The following TSPAN9 variants were observed in gnomAD, a reference collection of about 807,000 sequenced individuals.
The protein encoded by TSPAN9 is tetraspanin-9.
Under a neutral mutation model 31.0 loss-of-function variants are expected in TSPAN9, and 16 were observed. That is an observed-to-expected ratio of 0.52 (90% CI 0.35 to 0.78). TSPAN9 has a LOEUF of 0.78. Among genes scored for constraint, TSPAN9 ranks in the 30% least tolerant of loss-of-function variants. The pLI is 0.01. For missense variants in TSPAN9, 272 were observed against 312.5 expected, an observed-to-expected ratio of 0.87 and a Z score of 0.98; for synonymous variants, 145 against 121.6, an observed-to-expected ratio of 1.19 and a Z score of -1.27.
chr12:3,134,136 G>A (rs2098331037), intron 2 of TSPAN9, among the ~76,000 whole-genome samples: 1 of 152,122 alleles, frequency 6.6e-6, no homozygotes, highest in Non-Finnish European at 1.5e-5. Flanking sequence ...GGCCTTCCTC[G>A]TCAGCCTTTC....
At chr12:3,124,169 A>G (rs893976415) in intron 2 of TSPAN9, among the ~76,000 whole-genome samples, 1 of 152,230 alleles carries the variant, frequency 6.6e-6, no homozygotes, top group Non-Finnish European at 1.5e-5. Context: ...AGCATGACTT[A>G]AACTGTCCAT....
At chr12:3,208,836 G>T (rs1053610896) in intron 3 of TSPAN9, among the ~76,000 whole-genome samples, 1 of 152,218 alleles carries the variant, frequency 6.6e-6, no homozygotes, top group African/African-American at 2.4e-5. Flanking sequence ...TTTGAATCTT[G>T]TGTGAAGTGT....
At chr12:3,161,684 T>G (rs2098345300) in intron 2 of TSPAN9, among the ~76,000 whole-genome samples, 1 of 152,190 alleles carries the variant, frequency 6.6e-6, no homozygotes, top group Admixed American at 6.5e-5. Flanking sequence ...TATTGTACAA[T>G]TCTGTGTGTG....
intron 2 of TSPAN9, among the ~76,000 whole-genome samples, chr12:3,104,391 C>T (rs2098313253): frequency 1.3e-5 from 2 of 151,662 alleles, no homozygotes; most frequent in African/African-American, 4.8e-5. Flanking sequence ...CTCACTCTGT[C>T]ACCCAGGCTG....
intron 3 of TSPAN9, among the ~76,000 whole-genome samples, chr12:3,242,902 G>A (rs1371560558): frequency 6.6e-6 from 1 of 152,208 alleles, no homozygotes; most frequent in Non-Finnish European, 1.5e-5. Context: ...CACCTCACAC[G>A]TGTTCCCTGC....
chr12:3,281,938 T>TGCTAAGCTTGA, intron 8 of TSPAN9, 121 bp downstream of exon 8: 1 of 1,104,550 alleles, frequency 9.1e-7, no homozygotes, highest in Non-Finnish European at 1.4e-6. Context: ...TCATCACAGC[T>TGCTAAGCTTGA]ATTCAAGCTT....
At chr12:3,256,621 T>G (rs1180744375) in intron 3 of TSPAN9, among the ~76,000 whole-genome samples, 2 of 152,202 alleles carry the variant, frequency 1.3e-5, no homozygotes, top group Non-Finnish European at 2.9e-5. Context: ...TGGCATTTCT[T>G]GAGCTGGGTG....
chr12:3,105,747 C>G (rs899236951), intron 2 of TSPAN9, among the ~76,000 whole-genome samples: 4 of 135,698 alleles, frequency 2.9e-5, no homozygotes, highest in African/African-American at 1.0e-4. Flanking sequence ...CACACACACA[C>G]TCACACACAC....
chr12:3,285,020 T>G lies in TSPAN9; in HGVS notation c.*1904T>G, dbSNP rs11062604. 15,486 of 152,264 alleles carry G rather than the reference T, an allele frequency of 0.1. 2,568 individuals carry two copies. The highest frequency in any genetic ancestry group is 0.35 in the African/African-American group (14,424 of 41,478). 9.4% of individuals were successfully genotyped at this position (152,264 alleles called of 1,614,324 possible). A position where few individuals can be genotyped will look rare whatever the true frequency, so the allele number is the denominator to read the frequency against. ...GAGAGTAGGGTGGTCTTGTGAGTTG[T>G]GCAGGGTGAAGACCGCTTCCCTGAG... On this transcript the variant is annotated 3_prime_UTR_variant, in exon 9 of 9. Coordinates refer to ENST00000011898, the MANE Select transcript of TSPAN9 (RefSeq NM_006675.5).
chr12:3,191,191 A>G (rs1053107719), intron 2 of TSPAN9, among the ~76,000 whole-genome samples: 7 of 152,112 alleles, frequency 4.6e-5, no homozygotes, highest in African/African-American at 1.7e-4. Context: ...CAAGAAAGGT[A>G]TAGGAGAGGG....
At chr12:3,151,784 A>G (rs1403809138) in intron 2 of TSPAN9, among the ~76,000 whole-genome samples, 2 of 151,798 alleles carry the variant, frequency 1.3e-5, no homozygotes, top group Non-Finnish European at 2.9e-5. Context: ...AAACAAAACA[A>G]CCGTGGTGTG....
chr12:3,263,348 T>C (rs1862484389), intron 3 of TSPAN9, among the ~76,000 whole-genome samples: 1 of 152,150 alleles, frequency 6.6e-6, no homozygotes, highest in South Asian at 2.1e-4. Context: ...GTGAGCCGTG[T>C]TGTTTGGGCT....
Position 3,146,026 on chromosome 12 carries a change from G to A in TSPAN9, c.-17-55151G>A, listed in dbSNP as rs185198114. Among the ~76,000 whole-genome samples the A allele has an allele frequency of 2.5e-3, 380 of 152,352 alleles. 1 individual carries two copies. The highest frequency in any genetic ancestry group is 0.01 in the Middle Eastern group (3 of 294). On this transcript the variant is annotated intron_variant, in intron 2 of 8. Coordinates refer to ENST00000011898, the MANE Select transcript of TSPAN9 (RefSeq NM_006675.5). ...GGTGGCCTTCCACCACGAGGCTCCC[G>A]CAGGCACAGGCACGAGGACGCTTTC...
chr12:3,269,530 G>A (rs1245167979), intron 3 of TSPAN9, among the ~76,000 whole-genome samples: 8 of 93,868 alleles, frequency 8.5e-5, no homozygotes, highest in South Asian at 3.5e-4. Context: ...CCTGCCCTCC[G>A]TGCGTTCCTG....
At chr12:3,195,343 C>T (rs1157080245) in intron 2 of TSPAN9, among the ~76,000 whole-genome samples, 1 of 152,308 alleles carries the variant, frequency 6.6e-6, no homozygotes, top group South Asian at 2.1e-4. Context: ...CAGTTGCCAA[C>T]CAGCAGAGAT....
chr12:3,179,319 C>G (rs2098357535), intron 2 of TSPAN9, among the ~76,000 whole-genome samples: 2 of 152,140 alleles, frequency 1.3e-5, no homozygotes, highest in South Asian at 4.2e-4. Flanking sequence ...GTTCAACCGG[C>G]CCAGGGTGGT....
intron 2 of TSPAN9, among the ~76,000 whole-genome samples, chr12:3,133,738 G>A (rs1591641771): frequency 1.3e-5 from 2 of 152,146 alleles, no homozygotes; most frequent in African/African-American, 4.8e-5. Context: ...GGGTGACTGG[G>A]GAAGGAAACC....
intron 2 of TSPAN9, among the ~76,000 whole-genome samples, chr12:3,184,703 C>A (rs1409077678): frequency 6.6e-6 from 1 of 152,322 alleles, no homozygotes. Context: ...TGTGACCCGT[C>A]CTGCCCTGCA....
At chr12:3,148,542 G>T (rs1291575963) in intron 2 of TSPAN9, among the ~76,000 whole-genome samples, 3 of 152,210 alleles carry the variant, frequency 2.0e-5, no homozygotes, top group African/African-American at 7.2e-5. Flanking sequence ...TGGGCAGGGA[G>T]CGTGGCCGTG....
Sources: allele counts gnomAD v4.1 joint callset (sites outside exome capture counted in the v4.1 genomes callset), GRCh38; gene constraint gnomAD v4.1.1; transcripts MANE v1.5; gene names NCBI Gene and HGNC (gene_info 2026-07-23, HGNC 2026-07-21).